Variants in COP1 observed in about 807,000 individuals in gnomAD.
COP1 encodes the protein E3 ubiquitin-protein ligase COP1.
COP1 carries 24 observed loss-of-function variants against 101.3 expected under a neutral mutation model. That is an observed-to-expected ratio of 0.24 (90% confidence interval 0.17 to 0.33). The LOEUF is 0.33. Among genes scored for constraint, COP1 ranks in the 10% least tolerant of loss-of-function variants. The pLI is 1.00. For synonymous variants in COP1, 347 were observed against 341.9 expected (o/e 1.01, Z -0.17); for missense variants, 663 against 906.2 (o/e 0.73, Z 3.45).
intron 18 of COP1, among the ~76,000 whole-genome samples, chr1:175,967,811 T>C (rs1355005676): frequency 6.6e-6 from 1 of 152,202 alleles, no homozygotes; most frequent in Non-Finnish European, 1.5e-5. Flanking sequence ...AGTATTGACC[T>C]TCACTGGTAA....
Position 175,989,310 on chromosome 1 carries a change from G to A in COP1, c.1847+52C>T, listed in dbSNP as rs148861358. On this transcript the variant is annotated intron_variant, in intron 16 of 19. Coordinates refer to ENST00000367669, the MANE Select transcript of COP1 (RefSeq NM_022457.7). ...CCTCAGTGACATTACAAGCTGGTAG[G>A]TAAGTACAGAGCTCTGTATTAAGCT... 15 of 872,220 alleles carry A rather than the reference G, an allele frequency of 1.7e-5. No homozygotes were observed. The Admixed American group carries it at 2.1e-4, about 12-fold the overall frequency. 54.0% of individuals were successfully genotyped at this position (872,220 alleles called of 1,614,324 possible). A position where few individuals can be genotyped will look rare whatever the true frequency, so the allele number is the denominator to read the frequency against.
intron 2 of COP1, 85 bp from the exon 3 acceptor site, chr1:176,176,092 C>A: frequency 1.5e-6 from 1 of 674,550 alleles, no homozygotes; most frequent in Non-Finnish European, 2.6e-6. Flanking sequence ...TATTAGTCTT[C>A]TATTCCTCAT....
At chr1:175,960,169 C>T (rs895034632) in intron 18 of COP1, among the ~76,000 whole-genome samples, 4 of 152,186 alleles carry the variant, frequency 2.6e-5, no homozygotes, top group Admixed American at 2.0e-4. Flanking sequence ...ATACGACAAT[C>T]TGTATTCCTA....
chr1:175,947,443 T>TCA (rs1202411246), intron 18 of COP1: 1 of 459,282 alleles, frequency 2.2e-6, no homozygotes, highest in African/African-American at 2.0e-5. Flanking sequence ...CGATCTTGGC[T>TCA]CACCACAACC....
At chr1:176,051,050 A>G (rs1672466761) in intron 11 of COP1, among the ~76,000 whole-genome samples, 1 of 152,190 alleles carries the variant, frequency 6.6e-6, no homozygotes, top group African/African-American at 2.4e-5. Context: ...CAATTTAAAC[A>G]CAAAGGGATA....
intron 3 of COP1, among the ~76,000 whole-genome samples, chr1:176,167,406 C>CTGAATGAATGAATGAA (rs58699487): frequency 2.0e-5 from 3 of 150,848 alleles, no homozygotes; most frequent in Non-Finnish European, 4.4e-5. Context: ...CTGGTATTTG[C>CTGAATGAATGAATGAA]TGAATGAATG....
chr1:175,999,108 TCTAATAG>T (rs1303276028), intron 15 of COP1, among the ~76,000 whole-genome samples: 1 of 152,096 alleles, frequency 6.6e-6, no homozygotes, highest in African/African-American at 2.4e-5. Flanking sequence ...AAATGTAGCA[TCTAATAG>T]CAAATAAAAA....
At chr1:176,046,771 A>G (rs1671594974) in intron 11 of COP1, among the ~76,000 whole-genome samples, 2 of 152,184 alleles carry the variant, frequency 1.3e-5, no homozygotes, top group African/African-American at 4.8e-5. Context: ...TAATAAATAA[A>G]TTAGTATATA....
At position 176,206,736 on chromosome 1, in the gene COP1, C is replaced by A. The variant is rs560659006; in HGVS notation, c.243G>T (p.Ala81=). 1.9e-6 allele frequency: 3 copies of A among 1,549,200 alleles called. No homozygotes were observed. Among genetic ancestry groups the A allele is most frequent in the African/African-American group, 1.4e-5 (1 of 72,644 alleles). ...APAVSGSGGG[A]VSTGLSRHSC... Reference sequence around the variant, plus strand: ...TGTGCCGGGACAGGCCCGTGGACACCGCCCCGCCGCCGCTACCCGATACGG... The same window carrying A: ...TGTGCCGGGACAGGCCCGTGGACACAGCCCCGCCGCCGCTACCCGATACGG... Residue 81 remains alanine (A), a synonymous_variant, in exon 1 of 20, where the codon GCG becomes GCT. Coordinates refer to ENST00000367669, the MANE Select transcript of COP1 (RefSeq NM_022457.7).
At chr1:176,070,868 G>A (rs996050067) in intron 11 of COP1, among the ~76,000 whole-genome samples, 2 of 152,020 alleles carry the variant, frequency 1.3e-5, no homozygotes, top group East Asian at 1.9e-4. Context: ...TCCCAGGCTG[G>A]TTTTGAACTC....
At chr1:176,206,394 C>G (rs923737832) in intron 1 of COP1, 178 bp downstream of exon 1, 3 of 646,070 alleles carry the variant, frequency 4.6e-6, no homozygotes, top group Non-Finnish European at 7.7e-6. Flanking sequence ...CATTCCTTCA[C>G]CCCACCAACC....
At chr1:176,062,350 A>T (rs1007170287) in intron 11 of COP1, among the ~76,000 whole-genome samples, 1 of 152,192 alleles carries the variant, frequency 6.6e-6, no homozygotes, top group African/African-American at 2.4e-5. Context: ...TGAATAGACA[A>T]TTCACAAAAG....
intron 11 of COP1, among the ~76,000 whole-genome samples, chr1:176,059,799 C>T (rs934329543): frequency 2.6e-5 from 4 of 152,102 alleles, no homozygotes; most frequent in South Asian, 4.1e-4. Flanking sequence ...GTCAGAACAG[C>T]GTCAGTGGTT....
intron 15 of COP1, among the ~76,000 whole-genome samples, chr1:176,009,684 G>A (rs556989673): frequency 4.6e-5 from 7 of 152,128 alleles, no homozygotes; most frequent in African/African-American, 1.4e-4. Context: ...CAGTTAATCC[G>A]ATTATTGTTA....
intron 2 of COP1, among the ~76,000 whole-genome samples, chr1:176,179,042 C>A (rs1478718819): frequency 6.6e-6 from 1 of 151,464 alleles, no homozygotes; most frequent in African/African-American, 2.4e-5. Context: ...GTAATCCCAG[C>A]ACTTTGGGAG....
At chr1:176,189,508 G>C (rs554873154) in intron 1 of COP1, among the ~76,000 whole-genome samples, 1 of 151,924 alleles carries the variant, frequency 6.6e-6, no homozygotes, top group South Asian at 2.1e-4. Flanking sequence ...CTTTCAAAAT[G>C]AAAGCAAATA....
rs114364964 is a variant in COP1 at position 176,124,922 on chromosome 1, A to C, written c.969-8241T>G. ...GTTCCCTTTTCTCCACATCTTCACT[A>C]GCATTTGTTACTGCCAAACTTTTGG... On this transcript the variant is annotated intron_variant, in intron 8 of 19. Coordinates refer to ENST00000367669, the MANE Select transcript of COP1 (RefSeq NM_022457.7). 1.9e-3 allele frequency among the ~76,000 whole-genome samples: 295 copies of C among 152,308 alleles called. 1 individual carries two copies. Among genetic ancestry groups the C allele is most frequent in the Non-Finnish European group, 3.6e-3 (245 of 68,020 alleles).
chr1:176,187,440 G>T (rs1698615854), intron 1 of COP1, among the ~76,000 whole-genome samples: 1 of 149,766 alleles, frequency 6.7e-6, no homozygotes, highest in African/African-American at 2.5e-5. Flanking sequence ...TATAAGACAG[G>T]ATCTCCTTAT....
At chr1:176,157,179 G>A (rs745835198) in intron 5 of COP1, among the ~76,000 whole-genome samples, 9 of 152,050 alleles carry the variant, frequency 5.9e-5, no homozygotes, top group Non-Finnish European at 8.8e-5. Context: ...GAGTGACAAA[G>A]AGAGACTCCA....
Sources: allele counts gnomAD v4.1 joint callset (sites outside exome capture counted in the v4.1 genomes callset), GRCh38; gene constraint gnomAD v4.1.1; transcripts MANE v1.5; gene names NCBI Gene and HGNC (gene_info 2026-07-23, HGNC 2026-07-21).